The following ERCC6 variants were observed in gnomAD, a reference collection of about 807,000 sequenced individuals.
ERCC6 encodes the protein DNA excision repair protein ERCC-6.
Under a neutral mutation model 158.7 loss-of-function variants are expected in ERCC6, and 116 were observed. The observed-to-expected ratio is 0.73, with a 90% confidence interval of 0.63 to 0.85. ERCC6 has a LOEUF of 0.85. ERCC6 is among the 40% of genes least tolerant of loss of function. The pLI is 0.00. For missense variants in ERCC6, 1,698 were observed against 1,799.4 expected, an observed-to-expected ratio of 0.94 and a Z score of 1.02; for synonymous variants, 678 against 659.3, an observed-to-expected ratio of 1.03 and a Z score of -0.43.
chr10:49,450,988 T>C (rs893079300), downstream of ERCC6, among the ~76,000 whole-genome samples: 2 of 152,064 alleles, frequency 1.3e-5, no homozygotes, highest in African/African-American at 4.8e-5. Context: ...ATTTTTTGTA[T>C]TTTTAGTGGA....
chr10:49,529,222 C>T (rs572079561), intron 3 of ERCC6, among the ~76,000 whole-genome samples: 1 of 152,330 alleles, frequency 6.6e-6, no homozygotes, highest in East Asian at 1.9e-4. Flanking sequence ...GTTTCAACTT[C>T]AAATACGAGT....
intron 12 of ERCC6, chr10:49,475,373 T>C (rs1850858581): frequency 2.3e-6 from 1 of 438,538 alleles, no homozygotes; most frequent in Admixed American, 2.4e-5. Context: ...AAATTTACAA[T>C]TCCAAGTGTA....
chr10:49,466,733 G>A (rs576981832), intron 18 of ERCC6, among the ~76,000 whole-genome samples: 22 of 152,258 alleles, frequency 1.4e-4, no homozygotes, highest in African/African-American at 4.1e-4. Flanking sequence ...TTACTAGTCC[G>A]AAAGTCATCC....
In ERCC6 at chr10:49,457,564, T is replaced by C. The variant is rs1850503875; in HGVS notation, c.*1251A>G. The stretch of plus-strand genomic sequence containing the variant: ...TGGACACAGCTATCCATGTTAAGCA[T>C]GAGAGAGATGTAAAGAAATAGCAGG... On this transcript the variant is annotated 3_prime_UTR_variant, in exon 21 of 21. Coordinates refer to ENST00000355832, the MANE Select transcript of ERCC6 (RefSeq NM_000124.4). 6.6e-6 allele frequency: 1 copy of C among 152,012 alleles called. No homozygotes were observed. Among genetic ancestry groups the C allele is most frequent in the Non-Finnish European group, 1.5e-5 (1 of 68,020 alleles). 9.4% of individuals were successfully genotyped at this position (152,012 alleles called of 1,614,324 possible).
chr10:49,478,813 T>C (rs1035989818), intron 10 of ERCC6, among the ~76,000 whole-genome samples: 30 of 152,340 alleles, frequency 2.0e-4, no homozygotes, highest in African/African-American at 7.0e-4. Context: ...ACTGGGTTCT[T>C]GACCACCAGC....
chr10:49,468,496 T>C (rs1850716776), intron 18 of ERCC6, among the ~76,000 whole-genome samples: 1 of 152,250 alleles, frequency 6.6e-6, no homozygotes. Flanking sequence ...TGTTTTGTCA[T>C]TGTTTTCATT....
intron 5 of ERCC6, chr10:49,515,502 C>G: frequency 6.2e-7 from 1 of 1,614,130 alleles, no homozygotes; most frequent in Middle Eastern, 1.7e-4. Flanking sequence ...CTTCTGAGGT[C>G]TTCCTTTTTG....
chr10:49,528,266 G>T, intron 4 of ERCC6, 151 bp downstream of exon 4: 1 of 884,430 alleles, frequency 1.1e-6, no homozygotes, highest in Non-Finnish European at 1.8e-6. Context: ...CAGGTGTAGA[G>T]AATAAAATTT....
intron 5 of ERCC6, among the ~76,000 whole-genome samples, chr10:49,510,289 C>T (rs556781149): frequency 6.6e-6 from 1 of 152,280 alleles, no homozygotes; most frequent in East Asian, 1.9e-4. Context: ...GAATTTTCAG[C>T]ATTCCAAGGA....
Position 49,526,293 on chromosome 10 carries a change from T to C in ERCC6, c.653-1516A>G, listed in dbSNP as rs1837339117. ...ATTCCATGTTAGCTATTTTGGTAGA[T>C]GTGTAGTGGTACCACATTATGGCTA... On this transcript the variant is annotated intron_variant, in intron 4 of 20. Transcript: ENST00000355832. Among the ~76,000 whole-genome samples the C allele has an allele frequency of 2.0e-5, 3 of 150,880 alleles. No homozygotes were observed. In the South Asian group the frequency reaches 6.3e-4, roughly 32 times the overall value.
chr10:49,476,401 G>T, intron 11 of ERCC6, 91 bp from the exon 12 acceptor site: 1 of 842,050 alleles, frequency 1.2e-6, no homozygotes. Context: ...GATCAAAAGA[G>T]CACAATGCAT....
Position 49,461,530 on chromosome 10 carries a change from C to T in ERCC6, c.3805G>A (p.Asp1269Asn), listed in dbSNP as rs1258819525. 15 of 1,613,956 alleles carry T rather than the reference C, an allele frequency of 9.3e-6. No individual in the cohort carries two copies. Among genetic ancestry groups the T allele is most frequent in the South Asian group, 4.4e-5 (4 of 91,012 alleles). Residue 1269 changes from aspartate (D) to asparagine (N), a missense_variant, in exon 19 of 21, where the codon GAT becomes AAT. Physicochemically the swap from Asp to Asn is conservative, Grantham distance 23 (BLOSUM62 1). Transcript: ENST00000355832. The part of the protein sequence containing the change: ...SVGVHSVMKH[D>N]AIMDGASPDY... ...GGGCTGGCTCCATCCATGATGGCAT[C>T]GTGCTTCATGACACTGTGCACGCCA...
chr10:49,478,129 T>C (rs1285995792), intron 11 of ERCC6, among the ~76,000 whole-genome samples: 1 of 152,164 alleles, frequency 6.6e-6, no homozygotes, highest in African/African-American at 2.4e-5. Flanking sequence ...AGAATGGAGA[T>C]GTTTAAAAGA....
At chr10:49,509,041 G>A (rs758026454) in intron 5 of ERCC6, among the ~76,000 whole-genome samples, 1 of 152,108 alleles carries the variant, frequency 6.6e-6, no homozygotes, top group Non-Finnish European at 1.5e-5. Context: ...GCAGGCCCAG[G>A]CACAAAAGTC....
intron 8 of ERCC6, among the ~76,000 whole-genome samples, chr10:49,492,371 A>G (rs1851189654): frequency 6.6e-6 from 1 of 152,232 alleles, no homozygotes; most frequent in East Asian, 1.9e-4. Context: ...CAATAATGTA[A>G]CCTGCAAATT....
chr10:49,533,132 AGG>A lies in ERCC6; in HGVS notation c.-14-156_-14-155del, dbSNP rs1253040429. Among the ~76,000 whole-genome samples, 30 of 152,368 alleles carry A rather than the reference AGG, an allele frequency of 2.0e-4. No individual in the cohort carries two copies. The South Asian group carries it at 2.3e-3, about 12-fold the overall frequency. ...GTTTCCAAGTATTAATTTACTAAAA[AGG>A]GACAACGTATCTTCTTGAGTTCTGA... On this transcript the variant is annotated intron_variant, in intron 1 of 20. Coordinates refer to ENST00000355832, the MANE Select transcript of ERCC6 (RefSeq NM_000124.4).
At chr10:49,492,115 T>C (rs1400110335) in intron 8 of ERCC6, among the ~76,000 whole-genome samples, 1 of 152,210 alleles carries the variant, frequency 6.6e-6, no homozygotes, top group Non-Finnish European at 1.5e-5. Flanking sequence ...AAATTCCATC[T>C]CGCCTTATTT....
intron 18 of ERCC6, among the ~76,000 whole-genome samples, chr10:49,466,898 C>T (rs1040547399): frequency 5.3e-5 from 8 of 152,032 alleles, no homozygotes; most frequent in Non-Finnish European, 1.2e-4. Context: ...GCGATTCTCC[C>T]GCTCAGCTTC....
intron 8 of ERCC6, among the ~76,000 whole-genome samples, chr10:49,492,143 A>G (rs1301800333): frequency 6.6e-6 from 1 of 152,172 alleles, no homozygotes; most frequent in Non-Finnish European, 1.5e-5. Flanking sequence ...CAAACCATAG[A>G]TTTTTCTGAG....
Sources: gnomAD v4.1 joint callset for allele counts (sites outside exome capture counted in the v4.1 genomes callset) on GRCh38, gnomAD v4.1.1 for gene constraint, MANE v1.5 for transcripts, NCBI Gene and HGNC (gene_info 2026-07-23, HGNC 2026-07-21) for gene names.